Variants in NDUFB11 observed in about 807,000 individuals in gnomAD.
NDUFB11 encodes the protein NADH:ubiquinone oxidoreductase subunit B11, also known as NADH dehydrogenase [ubiquinone] 1 beta subcomplex subunit 11, mitochondrial.
For missense variants in NDUFB11, 108 were observed against 133.8 expected, an observed-to-expected ratio of 0.81 and a Z score of 0.95; for synonymous variants, 51 against 57.4, an observed-to-expected ratio of 0.89 and a Z score of 0.51.
chrX:47,143,133 TTCTC>T (rs1931826854), intron 1 of NDUFB11, among the ~76,000 whole-genome samples: 1 of 112,452 alleles, frequency 8.9e-6, no homozygotes, highest in African/African-American at 3.2e-5. Flanking sequence ...ACCCAAGTCA[TTCTC>T]TATCCACTTA....
At chrX:47,142,559 C>T in intron 2 of NDUFB11, 55 bp downstream of exon 2, 1 of 1,207,856 alleles carries the variant, frequency 8.3e-7, no homozygotes, top group Non-Finnish European at 1.1e-6. Flanking sequence ...CCCCTTCAAC[C>T]TCCATCCCTG....
At position 47,144,576 on chromosome X, in the gene NDUFB11, C is replaced by T. The variant is rs782681508; in HGVS notation, c.104G>A (p.Arg35Lys). Residue 35 changes from arginine to lysine, a missense_variant, in exon 1 of 3, where the codon AGG becomes AAG. Arg to Lys is a conservative substitution (Grantham distance 26, BLOSUM62 2). Coordinates refer to ENST00000377811, the MANE Select transcript of NDUFB11 (RefSeq NM_001135998.3). Reference sequence around the variant, plus strand: ...CACAGCGGACGGGGCGACCACAGTCCTGGAGAAGCTAGATTCCCAGCGGAC... The same window carrying T: ...CACAGCGGACGGGGCGACCACAGTCTTGGAGAAGCTAGATTCCCAGCGGAC... ...ARVRWESSFS[R>K]TVVAPSAVAG... The T allele has an allele frequency of 1.9e-5, 23 of 1,201,650 alleles. No homozygotes were observed. The highest frequency in any genetic ancestry group is 1.2e-4 in the South Asian group (7 of 56,039).
At chrX:47,145,256 C>G (rs1932006169), upstream of NDUFB11, 1 of 491,269 alleles carries the variant, frequency 2.0e-6, no homozygotes, top group East Asian at 3.7e-5. Flanking sequence ...CGACTCCCTT[C>G]TCGTCGTCGC....
intron 1 of NDUFB11, 45 bp downstream of exon 1, chrX:47,144,428 C>T (rs781901719): frequency 1.3e-6 from 1 of 791,401 alleles, no homozygotes; most frequent in Non-Finnish European, 1.6e-6. Flanking sequence ...CTGACCCCTT[C>T]GGGGTTCCGT....
At chrX:47,144,445 T>TTGGCCCCCCCC in intron 1 of NDUFB11, 28 bp downstream of exon 1, 2 of 61,005 alleles carry the variant, frequency 3.3e-5, no homozygotes, top group Non-Finnish European at 5.3e-5. Flanking sequence ...CCGTCCCCAC[T>TTGGCCCCCCCC]ACCCCCCCCC....
intron 1 of NDUFB11, among the ~76,000 whole-genome samples, chrX:47,144,016 G>A (rs1311225676): frequency 1.8e-5 from 2 of 110,448 alleles, no homozygotes; most frequent in South Asian, 3.9e-4. Flanking sequence ...GACGGGGCCC[G>A]GAGCGGTGGC....
At position 47,142,825 on chromosome X, in the gene NDUFB11, G is replaced by A. The variant is rs1038275121; in HGVS notation, c.208-81C>T. 1.1e-4 allele frequency: 119 copies of A among 1,035,766 alleles called. No individual in the cohort carries two copies. The Admixed American group carries it at 1.8e-3, about 16-fold the overall frequency. The allele number at this position is 1,035,766 out of a possible 1,213,427, so 85.4% of individuals were successfully genotyped here. On this transcript the variant is annotated intron_variant, in intron 1 of 2. Coordinates refer to ENST00000377811, the MANE Select transcript of NDUFB11 (RefSeq NM_001135998.3). ...TGGCCCTGCATAACTTGGTCTCCAT[G>A]TGCCCCTCTCACTAAATTCCTCTGT...
chrX:47,144,450 C>CAA, intron 1 of NDUFB11, 23 bp downstream of exon 1: 1 of 54,198 alleles, frequency 1.8e-5, no homozygotes. Context: ...CCCACTACCC[C>CAA]CCCCCCCCCC....
At chrX:47,142,462 G>A in intron 2 of NDUFB11, 22 bp from the exon 3 acceptor site, 1 of 1,210,781 alleles carries the variant, frequency 8.3e-7, no homozygotes, top group Non-Finnish European at 1.1e-6. Context: ...AATAGCAGGG[G>A]TAGACGTGAG....
chrX:47,144,422 C>T (rs1488427544), intron 1 of NDUFB11, 51 bp downstream of exon 1: 1 of 832,307 alleles, frequency 1.2e-6, no homozygotes, highest in Non-Finnish European at 1.6e-6. Context: ...CCCGGACTGA[C>T]CCCTTCGGGG....
At chrX:47,144,445 T>TGGCCCCCCCCCCCCCC in intron 1 of NDUFB11, 28 bp downstream of exon 1, 4 of 61,005 alleles carry the variant, frequency 6.6e-5, no homozygotes, top group African/African-American at 4.9e-4. Flanking sequence ...CCGTCCCCAC[T>TGGCCCCCCCCCCCCCC]ACCCCCCCCC....
chrX:47,143,408 C>T (rs1474078212), intron 1 of NDUFB11, among the ~76,000 whole-genome samples: 3 of 112,068 alleles, frequency 2.7e-5, no homozygotes, highest in African/African-American at 6.5e-5. Context: ...CTGAGCCTGG[C>T]ATACAGCAGG....
chrX:47,144,526 T>G lies in NDUFB11; in HGVS notation c.154A>C (p.Thr52Pro), dbSNP rs1556761214. 9.7e-7 allele frequency: 1 copy of G among 1,027,189 alleles called. No individual in the cohort carries two copies. The highest frequency in any genetic ancestry group is 1.3e-6 in the Non-Finnish European group (1 of 783,015). The allele number at this position is 1,027,189 out of a possible 1,213,427, so 84.7% of individuals were successfully genotyped here. A position where few individuals can be genotyped will look rare whatever the true frequency, so the allele number is the denominator to read the frequency against. The change falls in exon 1 of 3, where the codon ACC (threonine) becomes CCC (proline). Residue 52 changes from threonine (T) to proline (P), a missense_variant. Thr to Pro is a conservative substitution (Grantham distance 38, BLOSUM62 -1). Coordinates refer to ENST00000377811, the MANE Select transcript of NDUFB11 (RefSeq NM_001135998.3). The stretch of plus-strand genomic sequence containing the variant: ...TCTGGGTCCTCTTGCCACGGTGTGG[T>G]CGGTTCTGGGGGCCGCTTTCCCGCC... The part of the protein sequence containing the change: ...AVAGKRPPEP[T>P]TPWQEDPEPE...
upstream of NDUFB11, chrX:47,145,119 G>A (rs1238787560): frequency 1.2e-5 from 4 of 346,217 alleles, no homozygotes; most frequent in Non-Finnish European, 2.0e-5. Context: ...GCGTTCGCAA[G>A]GGGTGTGGGG....
intron 1 of NDUFB11, among the ~76,000 whole-genome samples, chrX:47,143,829 C>G (rs1931862604): frequency 1.8e-5 from 2 of 112,048 alleles, no homozygotes; most frequent in Non-Finnish European, 3.8e-5. Context: ...GCCCTAAATT[C>G]AAATACCAGT....
At chrX:47,143,534 C>T (rs910593926) in intron 1 of NDUFB11, among the ~76,000 whole-genome samples, 1 of 111,951 alleles carries the variant, frequency 8.9e-6, no homozygotes, top group African/African-American at 3.2e-5. Flanking sequence ...AGAAACACCT[C>T]ACAATATCTC....
In NDUFB11 at chrX:47,144,623, C is replaced by T. The variant is rs1243207151; in HGVS notation, c.57G>A (p.Thr19=). 1 of 1,187,573 alleles carries T rather than the reference C, an allele frequency of 8.4e-7. No individual in the cohort carries two copies. Among genetic ancestry groups the T allele is most frequent in the Non-Finnish European group, 1.1e-6 (1 of 884,868 alleles). The change falls in exon 1 of 3, where the codon ACG becomes ACA. Residue 19 remains threonine (T), a synonymous_variant. Transcript: ENST00000377811. ...GGACGCGGGCGGCCGGGAGCCCTCG[C>T]GTCGCCGCTGCCGCCAAAAGACGGC... ...SARRLLAAAA[T]RGLPAARVRW... is the part of the protein sequence containing the mutation.
chrX:47,142,969 A>G (rs1376228814), intron 1 of NDUFB11, among the ~76,000 whole-genome samples: 1 of 112,046 alleles, frequency 8.9e-6, no homozygotes, highest in Non-Finnish European at 1.9e-5. Context: ...CTCCTCATTC[A>G]AGGTTTTAGA....
At chrX:47,145,356 C>G (rs1007920530), upstream of NDUFB11, 98 of 984,565 alleles carry the variant, frequency 1.0e-4, no homozygotes, top group South Asian at 1.8e-4. Flanking sequence ...TCCCCTCCCC[C>G]CGATCTGCCT....
Sources: allele counts gnomAD v4.1 joint callset (sites outside exome capture counted in the v4.1 genomes callset), GRCh38; gene constraint gnomAD v4.1.1; transcripts MANE v1.5; gene names NCBI Gene and HGNC (gene_info 2026-07-23, HGNC 2026-07-21).